The following CDYL2 variants were observed in gnomAD, a reference collection of about 807,000 sequenced individuals.
CDYL2 encodes the protein chromodomain Y like 2.
In CDYL2, 23 loss-of-function variants were observed where a neutral mutation model predicts 49.4. The observed-to-expected ratio is 0.47, with a 90% CI of 0.34 to 0.66. The LOEUF (loss-of-function observed/expected upper bound fraction) is 0.66, where lower values mean the gene tolerates loss of function less well. Ranked by LOEUF, CDYL2 falls within the 30% of genes least tolerant of loss-of-function variation. CDYL2 has a pLI of 0.01. For missense variants in CDYL2, 678 were observed against 656.4 expected (o/e 1.03, Z -0.36); for synonymous variants, 360 against 268.8 (o/e 1.34, Z -3.32).
At chr16:80,654,132 G>A (rs140555189) in intron 2 of CDYL2, among the ~76,000 whole-genome samples, 8 of 152,338 alleles carry the variant, frequency 5.3e-5, no homozygotes, top group South Asian at 2.1e-4. Flanking sequence ...GGGGAAGAAG[G>A]GTGCAAGGAG....
intron 1 of CDYL2, among the ~76,000 whole-genome samples, chr16:80,704,440 A>G: frequency 6.6e-6 from 1 of 152,278 alleles, no homozygotes; most frequent in Non-Finnish European, 1.5e-5. Flanking sequence ...GAATAAAAAC[A>G]AATGTGGCCC....
intron 1 of CDYL2, among the ~76,000 whole-genome samples, chr16:80,723,065 C>A (rs777328438): frequency 6.6e-6 from 1 of 152,220 alleles, no homozygotes; most frequent in African/African-American, 2.4e-5. Flanking sequence ...CTCGGCAGGG[C>A]GCTTTCTACA....
chr16:80,616,733 G>A (rs907005028), intron 4 of CDYL2, among the ~76,000 whole-genome samples: 2 of 152,176 alleles, frequency 1.3e-5, no homozygotes, highest in East Asian at 1.9e-4. Flanking sequence ...AGTCATGGCT[G>A]GAAGTACCAG....
intron 1 of CDYL2, among the ~76,000 whole-genome samples, chr16:80,691,702 C>T (rs1463140608): frequency 6.6e-6 from 1 of 152,122 alleles, no homozygotes; most frequent in East Asian, 1.9e-4. Context: ...GTGAAGAGTA[C>T]TACTGTATAT....
chr16:80,719,611 T>A (rs185382475), intron 1 of CDYL2, among the ~76,000 whole-genome samples: 1 of 152,298 alleles, frequency 6.6e-6, no homozygotes, highest in African/African-American at 2.4e-5. Flanking sequence ...AACTTAGAAT[T>A]GAGACAAACA....
intron 3 of CDYL2, chr16:80,627,715 C>T (rs1029237800): frequency 4.6e-5 from 7 of 152,216 alleles, no homozygotes; most frequent in Non-Finnish European, 1.0e-4. Context: ...ATAACTACCT[C>T]TCAATGGTCA....
At chr16:80,760,934 A>G (rs1484736002) in intron 1 of CDYL2, among the ~76,000 whole-genome samples, 1 of 152,130 alleles carries the variant, frequency 6.6e-6, no homozygotes, top group African/African-American at 2.4e-5. Flanking sequence ...GCGTCTGTGG[A>G]TTTAATGCGC....
intron 1 of CDYL2, among the ~76,000 whole-genome samples, chr16:80,695,065 T>C (rs1263244280): frequency 6.6e-6 from 1 of 152,256 alleles, no homozygotes; most frequent in Non-Finnish European, 1.5e-5. Flanking sequence ...CCATCTGATA[T>C]AAACAGGTGA....
chr16:80,741,043 A>T (rs1905715983), intron 1 of CDYL2, among the ~76,000 whole-genome samples: 1 of 151,674 alleles, frequency 6.6e-6, no homozygotes, highest in African/African-American at 2.4e-5. Context: ...CAAACAAACA[A>T]AAAAAGAATT....
chr16:80,716,578 A>G (rs974535044), intron 1 of CDYL2, among the ~76,000 whole-genome samples: 1 of 152,048 alleles, frequency 6.6e-6, no homozygotes, highest in Non-Finnish European at 1.5e-5. Context: ...GACTGAATGA[A>G]TGGACAGACA....
intron 1 of CDYL2, among the ~76,000 whole-genome samples, chr16:80,723,847 G>C (rs1476792385): frequency 6.6e-6 from 1 of 151,854 alleles, no homozygotes; most frequent in Non-Finnish European, 1.5e-5. Context: ...AAACAGAGGA[G>C]AGTGAGGAAC....
At chr16:80,752,317 G>C (rs1427379403) in intron 1 of CDYL2, among the ~76,000 whole-genome samples, 1 of 152,108 alleles carries the variant, frequency 6.6e-6, no homozygotes, top group Non-Finnish European at 1.5e-5. Flanking sequence ...GTGTCTGTCT[G>C]ACTGGTGTCC....
intron 1 of CDYL2, among the ~76,000 whole-genome samples, chr16:80,730,228 G>C (rs543402619): frequency 6.6e-6 from 1 of 152,072 alleles, no homozygotes; most frequent in Non-Finnish European, 1.5e-5. Context: ...GAAAAAAAGA[G>C]AGAAGAATCA....
intron 2 of CDYL2, among the ~76,000 whole-genome samples, chr16:80,633,598 T>TAAGAGCAAGACCAGCAGCTAAA (rs1247942724): frequency 6.6e-6 from 1 of 152,170 alleles, no homozygotes; most frequent in Non-Finnish European, 1.5e-5. Context: ...AAATTATCAA[T>TAAGAGCAAGACCAGCAGCTAAA]AAGAGCAAGA....
intron 4 of CDYL2, among the ~76,000 whole-genome samples, chr16:80,618,223 T>C (rs1404968739): frequency 1.3e-5 from 2 of 152,236 alleles, no homozygotes; most frequent in Non-Finnish European, 2.9e-5. Flanking sequence ...CCACTAGTCA[T>C]GTTTCCCCAG....
chr16:80,789,607 A>G (rs1017986893), intron 1 of CDYL2, among the ~76,000 whole-genome samples: 1 of 152,114 alleles, frequency 6.6e-6, no homozygotes, highest in Admixed American at 6.5e-5. Context: ...CAAAAAAAAA[A>G]AGACACCTGC....
rs1446202191 is a variant in CDYL2, at chr16:80,612,894, G to C, written c.1008-58C>G. 1.4e-6 allele frequency: 2 copies of C among 1,474,458 alleles called. No individual in the cohort carries two copies. Among genetic ancestry groups the C allele is most frequent in the Admixed American group, 2.1e-5 (1 of 46,800 alleles). 91.3% of individuals were successfully genotyped at this position (1,474,458 alleles called of 1,614,324 possible). On this transcript the variant is annotated intron_variant, in intron 4 of 6. Transcript: ENST00000570137. The surrounding 1 kb of genome is among the most constrained non-coding windows in gnomAD (Gnocchi z 5.0). ...GACTATAGCATGCTAAGCCCCACTG[G>C]AACCCTTGACTCTCCCAGGTGCTGT...
At chr16:80,707,168 A>G (rs566656376) in intron 1 of CDYL2, among the ~76,000 whole-genome samples, 1 of 152,312 alleles carries the variant, frequency 6.6e-6, no homozygotes, top group East Asian at 1.9e-4. Context: ...TTTAGACAAT[A>G]AAAATAAGTG....
chr16:80,771,180 G>T (rs1906892443), intron 1 of CDYL2, among the ~76,000 whole-genome samples: 1 of 152,180 alleles, frequency 6.6e-6, no homozygotes, highest in Non-Finnish European at 1.5e-5. Flanking sequence ...CCAATCTATA[G>T]AAAGTAAAAC....
Sources: gnomAD v4.1 joint callset for allele counts (sites outside exome capture counted in the v4.1 genomes callset) on GRCh38, gnomAD v4.1.1 for gene constraint, Gnocchi (gnomAD v3.1) non-coding constraint, MANE v1.5 for transcripts, NCBI Gene and HGNC (gene_info 2026-07-23, HGNC 2026-07-21) for gene names.